The following NCAM2 variants were observed in gnomAD, a reference collection of about 807,000 sequenced individuals.
NCAM2 encodes neural cell adhesion molecule 2, also known as N-CAM-2.
Under a neutral mutation model 98.1 loss-of-function variants are expected in NCAM2, and 30 were observed. The observed-to-expected ratio is 0.31, with a 90% CI of 0.23 to 0.41. NCAM2 has a LOEUF of 0.41. Among genes scored for constraint, NCAM2 ranks in the 10% least tolerant of loss-of-function variants. NCAM2 has a pLI of 1.00. For missense variants in NCAM2, 867 were observed against 1,005.8 expected (o/e 0.86, Z 1.87); for synonymous variants, 368 against 342.4 (o/e 1.07, Z -0.83).
chr21:21,056,801 T>C (rs2065222304), intron 1 of NCAM2, among the ~76,000 whole-genome samples: 1 of 151,948 alleles, frequency 6.6e-6, no homozygotes, highest in Non-Finnish European at 1.5e-5. Context: ...ATAGATAATA[T>C]CATGATGAGA....
intron 1 of NCAM2, among the ~76,000 whole-genome samples, chr21:21,135,651 TCTCA>T (rs1220918691): frequency 6.6e-6 from 1 of 152,196 alleles, no homozygotes; most frequent in Non-Finnish European, 1.5e-5. Flanking sequence ...ATGCTTGTAC[TCTCA>T]CTATCTCCAC....
At chr21:21,004,968 G>A (rs182023136) in intron 1 of NCAM2, among the ~76,000 whole-genome samples, 134 of 152,118 alleles carry the variant, frequency 8.8e-4, no homozygotes, top group Non-Finnish European at 1.3e-3. Context: ...ATTAATACAA[G>A]GAGAAAAAAA....
At chr21:21,471,338 C>T (rs756506492) in intron 14 of NCAM2, among the ~76,000 whole-genome samples, 4 of 151,876 alleles carry the variant, frequency 2.6e-5, no homozygotes, top group Non-Finnish European at 4.4e-5. Flanking sequence ...ATTGGAGATA[C>T]CATGATTGAA....
At chr21:21,252,836 G>A (rs1289687824) in intron 1 of NCAM2, among the ~76,000 whole-genome samples, 1 of 151,770 alleles carries the variant, frequency 6.6e-6, no homozygotes, top group African/African-American at 2.4e-5. Flanking sequence ...GTTCTTGCAG[G>A]GACATTGCTA....
intron 6 of NCAM2, among the ~76,000 whole-genome samples, chr21:21,328,430 A>G (rs1271574144): frequency 1.3e-5 from 2 of 152,154 alleles, no homozygotes; most frequent in Non-Finnish European, 2.9e-5. Context: ...ATATTCCAGA[A>G]GAAAGGATTG....
intron 6 of NCAM2, among the ~76,000 whole-genome samples, chr21:21,333,389 T>G (rs1345459112): frequency 6.6e-6 from 1 of 152,216 alleles, no homozygotes; most frequent in African/African-American, 2.4e-5. Flanking sequence ...ATCTTCCTTG[T>G]CATATCTCCC....
In NCAM2 at chr21:21,489,643, A is replaced by T. The variant is rs141510174; in HGVS notation, c.2077+12172A>T. 1.9e-3 allele frequency among the ~76,000 whole-genome samples: 293 copies of T among 152,304 alleles called. 1 individual carries two copies. Among genetic ancestry groups the T allele is most frequent in the African/African-American group, 6.7e-3 (278 of 41,590 alleles). ...TAGCTGAAATCTGCATATTTCAAATAACTGAATATACAGATATTCTACAAA... is the reference window on the plus strand; with the variant it reads ...TAGCTGAAATCTGCATATTTCAAATTACTGAATATACAGATATTCTACAAA... On this transcript the variant is annotated intron_variant, in intron 15 of 17. Coordinates refer to ENST00000400546, the MANE Select transcript of NCAM2 (RefSeq NM_004540.5).
At chr21:21,412,220 C>T (rs2076900926) in intron 10 of NCAM2, among the ~76,000 whole-genome samples, 3 of 152,218 alleles carry the variant, frequency 2.0e-5, no homozygotes, top group South Asian at 2.1e-4. Context: ...GCTGTGTCCT[C>T]ACATGCCCTT....
At chr21:21,202,022 G>T (rs2069242826) in intron 1 of NCAM2, among the ~76,000 whole-genome samples, 1 of 152,100 alleles carries the variant, frequency 6.6e-6, no homozygotes, top group Admixed American at 6.6e-5. Flanking sequence ...AATGTTTCTT[G>T]CAAGTCTCAT....
rs532068473 is a variant in NCAM2 at position 21,394,469 on chromosome 21, C to CTTTTT, written c.1196-15772_1196-15768dup. On this transcript the variant is annotated intron_variant, in intron 9 of 17. Transcript: ENST00000400546. The stretch of plus-strand genomic sequence containing the variant: ...GACCTTAGTTAATTTAAGGGGCCAG[C>CTTTTT]TTTTTTTTTTTTTTTTTTTTTTTTT... Among the ~76,000 whole-genome samples the CTTTTT allele has an allele frequency of 4.5e-4, 26 of 57,672 alleles. 6 individuals carry two copies. The highest frequency in any genetic ancestry group is 1.4e-3 in the African/African-American group (18 of 12,602). 37.8% of individuals were successfully genotyped at this position (57,672 alleles called of 152,430 possible).
chr21:21,159,624 A>T (rs991927504), intron 1 of NCAM2, among the ~76,000 whole-genome samples: 1 of 152,176 alleles, frequency 6.6e-6, no homozygotes, highest in African/African-American at 2.4e-5. Context: ...TATACCATAT[A>T]GGCTAGGTGT....
At chr21:21,114,846 G>A (rs893554308) in intron 1 of NCAM2, among the ~76,000 whole-genome samples, 4 of 148,932 alleles carry the variant, frequency 2.7e-5, no homozygotes, top group African/African-American at 7.4e-5. Context: ...TTTTTTTGAA[G>A]TTTCGCTCTT....
intron 11 of NCAM2, among the ~76,000 whole-genome samples, chr21:21,419,791 T>G (rs1231580746): frequency 6.6e-6 from 1 of 152,118 alleles, no homozygotes; most frequent in African/African-American, 2.4e-5. Context: ...TCCAAGTCTT[T>G]GCTATTGTGA....
intron 12 of NCAM2, among the ~76,000 whole-genome samples, chr21:21,464,068 T>C (rs1228966209): frequency 1.3e-5 from 2 of 152,112 alleles, no homozygotes; most frequent in African/African-American, 2.4e-5. Context: ...AAAGTGCATG[T>C]TTAAATTCTT....
rs577828488 is a variant in NCAM2 at position 21,412,958 on chromosome 21, A to G, written c.1383+2497A>G. 3.3e-5 allele frequency among the ~76,000 whole-genome samples: 5 copies of G among 152,264 alleles called. No homozygotes were observed. The South Asian group carries it at 1.0e-3, about 32-fold the overall frequency. Reference sequence around the variant, plus strand: ...AGAATATAAAAGGAAATATAGGAAAAGTTTACACTTAACAAGTTGTCAGTA... The same window carrying G: ...AGAATATAAAAGGAAATATAGGAAAGGTTTACACTTAACAAGTTGTCAGTA... On this transcript the variant is annotated intron_variant, in intron 10 of 17. Transcript: ENST00000400546.
At chr21:21,096,732 C>T (rs1222366741) in intron 1 of NCAM2, among the ~76,000 whole-genome samples, 3 of 151,274 alleles carry the variant, frequency 2.0e-5, no homozygotes, top group Non-Finnish European at 3.0e-5. Flanking sequence ...TATCTGCAAG[C>T]GTTTATTTAA....
chr21:21,235,015 G>A (rs549724003), intron 1 of NCAM2, among the ~76,000 whole-genome samples: 2 of 151,962 alleles, frequency 1.3e-5, no homozygotes, highest in East Asian at 1.9e-4. Flanking sequence ...GTGAAACATC[G>A]TAGCAAAATA....
At chr21:21,359,702 A>C (rs2075594685) in intron 8 of NCAM2, among the ~76,000 whole-genome samples, 1 of 151,914 alleles carries the variant, frequency 6.6e-6, no homozygotes, top group Admixed American at 6.6e-5. Flanking sequence ...TTCTTCTTAT[A>C]AATACCATAT....
chr21:21,076,010 A>G (rs1216813471), intron 1 of NCAM2, among the ~76,000 whole-genome samples: 1 of 151,882 alleles, frequency 6.6e-6, no homozygotes, highest in Non-Finnish European at 1.5e-5. Flanking sequence ...CCAGCCACTC[A>G]GAAGGCTGAG....
Sources: gnomAD v4.1 joint callset for allele counts (sites outside exome capture counted in the v4.1 genomes callset) on GRCh38, gnomAD v4.1.1 for gene constraint, MANE v1.5 for transcripts, NCBI Gene and HGNC (gene_info 2026-07-23, HGNC 2026-07-21) for gene names.